AP3D1: variants seen among roughly 807,000 people sequenced by gnomAD.
AP3D1 encodes the protein AP-3 complex subunit delta-1.
A neutral mutation model predicts 147.6 loss-of-function variants in AP3D1; 51 were observed. That is an observed-to-expected ratio of 0.35 (90% CI 0.28 to 0.44). The LOEUF is 0.44. Among genes scored for constraint, AP3D1 ranks in the 20% least tolerant of loss-of-function variants. The pLI, the probability that AP3D1 is intolerant of heterozygous loss-of-function variation, is 1.00. For synonymous variants in AP3D1, 760 were observed against 663.0 expected, an observed-to-expected ratio of 1.15 and a Z score of -2.25; for missense variants, 1,421 against 1,624.2, an observed-to-expected ratio of 0.87 and a Z score of 2.15.
At chr19:2,162,785 A>G (rs571261591) in intron 1 of AP3D1, among the ~76,000 whole-genome samples, 1 of 152,114 alleles carries the variant, frequency 6.6e-6, no homozygotes, top group African/African-American at 2.4e-5. Context: ...TATTGCTGAG[A>G]GGAGGAAAGC....
chr19:2,141,718 G>A (rs1400787507), intron 1 of AP3D1, among the ~76,000 whole-genome samples: 2 of 151,506 alleles, frequency 1.3e-5, no homozygotes, highest in African/African-American at 4.8e-5. Flanking sequence ...GGGATTACAG[G>A]CGTGAGCCAC....
intron 8 of AP3D1, among the ~76,000 whole-genome samples, chr19:2,127,500 C>T (rs1328577379): frequency 6.6e-6 from 1 of 152,202 alleles, no homozygotes; most frequent in East Asian, 1.9e-4. Context: ...CTTCCTACTG[C>T]ATCTTTTCTA....
chr19:2,151,055 C>G (rs2019494337), intron 1 of AP3D1, among the ~76,000 whole-genome samples, 184 bp downstream of exon 1: 1 of 152,268 alleles, frequency 6.6e-6, no homozygotes, highest in Non-Finnish European at 1.5e-5. Context: ...GAAACTGATG[C>G]TGGGGGACCG....
intron 31 of AP3D1, among the ~76,000 whole-genome samples, chr19:2,107,480 C>T (rs971974518): frequency 1.3e-5 from 2 of 151,854 alleles, no homozygotes; most frequent in African/African-American, 4.8e-5. Context: ...GTGGCTCAAG[C>T]CTGTAATCCT....
chr19:2,158,303 A>G (rs1011892009), intron 1 of AP3D1, among the ~76,000 whole-genome samples: 9 of 148,684 alleles, frequency 6.1e-5, no homozygotes, highest in African/African-American at 1.5e-4. Flanking sequence ...TGATCCGCCC[A>G]CCTCGGCCTC....
At chr19:2,127,333 G>A (rs545798151) in intron 8 of AP3D1, 132 bp from the exon 9 acceptor site, 10 of 931,898 alleles carry the variant, frequency 1.1e-5, no homozygotes, top group Admixed American at 4.3e-5. Context: ...GAGGGAGCCC[G>A]TGCCTTGCTC....
chr19:2,122,404 G>A (rs536523939), intron 11 of AP3D1, among the ~76,000 whole-genome samples: 9 of 152,268 alleles, frequency 5.9e-5, no homozygotes, highest in East Asian at 1.9e-4. Flanking sequence ...TGCCATCCAC[G>A]GTGGCTTTCA....
chr19:2,113,017 C>A lies in AP3D1; in HGVS notation c.2680-50G>T, dbSNP rs143844125. The A allele has an allele frequency of 2.2e-4, 297 of 1,376,668 alleles. 2 individuals are homozygous for A. The East Asian group carries it at 5.6e-3, about 26-fold the overall frequency. 85.3% of individuals were successfully genotyped at this position (1,376,668 alleles called of 1,614,324 possible). Reference sequence around the variant, plus strand: ...TCATGCTGGGCAATGAGGGGCCCCACTCCACTGCACCCCAGACAGCCTCCA... The same window carrying A: ...TCATGCTGGGCAATGAGGGGCCCCAATCCACTGCACCCCAGACAGCCTCCA... On this transcript the variant is annotated intron_variant, in intron 23 of 31. Coordinates refer to ENST00000643116, the MANE Select transcript of AP3D1 (RefSeq NM_001261826.3).
chr19:2,137,661 C>A, intron 3 of AP3D1, 66 bp downstream of exon 3: 1 of 1,353,106 alleles, frequency 7.4e-7, no homozygotes, highest in South Asian at 1.2e-5. Context: ...AAAAATTGGC[C>A]AGTCACGGTG....
At chr19:2,138,512 G>C (rs2019134992) in intron 2 of AP3D1, 107 bp downstream of exon 2, 1 of 874,776 alleles carries the variant, frequency 1.1e-6, no homozygotes, top group South Asian at 1.4e-5. Flanking sequence ...GACAGCAGGT[G>C]GTACCAATGA....
chr19:2,117,031 A>G, intron 16 of AP3D1, 191 bp downstream of exon 16: 1 of 847,706 alleles, frequency 1.2e-6, no homozygotes, highest in Admixed American at 3.2e-5. Context: ...GAGCATCCCC[A>G]GGCAGAAGCC....
At chr19:2,131,314 C>G (rs2018933048) in intron 5 of AP3D1, among the ~76,000 whole-genome samples, 1 of 151,636 alleles carries the variant, frequency 6.6e-6, no homozygotes, top group African/African-American at 2.4e-5. Flanking sequence ...CGGCCACGAT[C>G]TAGACACCAG....
chr19:2,143,633 T>C (rs1391847159), intron 1 of AP3D1, among the ~76,000 whole-genome samples: 1 of 151,968 alleles, frequency 6.6e-6, no homozygotes, highest in African/African-American at 2.4e-5. Flanking sequence ...CTGGGCGTGG[T>C]GGCACATCGT....
intron 24 of AP3D1, 91 bp from the exon 25 acceptor site, chr19:2,111,919 A>G: frequency 1.9e-6 from 3 of 1,582,466 alleles, no homozygotes; most frequent in Non-Finnish European, 2.6e-6. Context: ...AGGGCTGCTC[A>G]GGCTGAGGGT....
chr19:2,102,055 G>GT lies in AP3D1; in HGVS notation c.*117dup. 1.3e-6 allele frequency: 1 copy of GT among 752,746 alleles called. No individual in the cohort carries two copies. Among genetic ancestry groups the GT allele is most frequent in the Non-Finnish European group, 2.2e-6 (1 of 450,052 alleles). The allele number at this position is 752,746 out of a possible 1,614,324, so 46.6% of individuals were successfully genotyped here. ...ATGTCTACACGGCGGACAACATAGA[G>GT]TTAAATTAACACTCAGGCTTGGGTA... On this transcript the variant is annotated 3_prime_UTR_variant, in exon 32 of 32. Transcript: ENST00000643116.
chr19:2,154,073 G>A (rs1033440630), upstream of AP3D1, among the ~76,000 whole-genome samples: 3 of 151,304 alleles, frequency 2.0e-5, no homozygotes, highest in Non-Finnish European at 4.4e-5. Flanking sequence ...TCAGCCTCCC[G>A]AGTAGCTGGG....
intron 1 of AP3D1, among the ~76,000 whole-genome samples, chr19:2,145,229 G>A (rs976682246): frequency 6.6e-6 from 1 of 152,236 alleles, no homozygotes; most frequent in Non-Finnish European, 1.5e-5. Flanking sequence ...CAGAGCAGAG[G>A]AGGGTCCTCA....
chr19:2,137,873 G>T, intron 2 of AP3D1, 66 bp from the exon 3 acceptor site: 1 of 1,444,498 alleles, frequency 6.9e-7, no homozygotes, highest in Non-Finnish European at 9.7e-7. Flanking sequence ...TTGAGCCGCG[G>T]CATCAAGCGC....
At position 2,101,936 on chromosome 19, in the gene AP3D1, T is replaced by G; in HGVS notation, c.*237A>C. On this transcript the variant is annotated 3_prime_UTR_variant, in exon 32 of 32. Transcript: ENST00000643116. ...CCAGGTGGGGGAGTCCCTTGCTGGT[T>G]TGGGGGCGAGAAGGGGACTTCTTGC... 2.0e-6 allele frequency: 1 copy of G among 497,224 alleles called. No homozygotes were observed. Among genetic ancestry groups the G allele is most frequent in the Non-Finnish European group, 3.6e-6 (1 of 277,144 alleles). The allele number at this position is 497,224 out of a possible 1,614,324, so 30.8% of individuals were successfully genotyped here.
Sources: gnomAD v4.1 joint callset for allele counts (sites outside exome capture counted in the v4.1 genomes callset) on GRCh38, gnomAD v4.1.1 for gene constraint, MANE v1.5 for transcripts, NCBI Gene and HGNC (gene_info 2026-07-23, HGNC 2026-07-21) for gene names.